CRADD: variants seen among roughly 807,000 people sequenced by gnomAD.
The protein encoded by CRADD is death domain-containing protein CRADD.
In CRADD, 9 loss-of-function variants were observed where a neutral mutation model predicts 15.5. The ratio of observed to expected loss-of-function variants is 0.58; its 90% CI spans 0.35 to 1.01. CRADD has a LOEUF of 1.01. Among genes scored for constraint, CRADD ranks in the 50% least tolerant of loss-of-function variants. The probability of loss-of-function intolerance (pLI) is 0.02; values close to 1 mark genes in which losing one functional copy is unlikely to be tolerated. For synonymous variants in CRADD, 118 were observed against 107.6 expected (o/e 1.10, Z -0.60); for missense variants, 227 against 250.3 (o/e 0.91, Z 0.63).
At chr12:93,753,703 A>G (rs1190098832) in intron 2 of CRADD, among the ~76,000 whole-genome samples, 1 of 152,214 alleles carries the variant, frequency 6.6e-6, no homozygotes, top group South Asian at 2.1e-4. Flanking sequence ...CTTTGACTCC[A>G]TGTCTCACAT....
chr12:93,770,232 A>G (rs1406682169), intron 2 of CRADD, among the ~76,000 whole-genome samples: 1 of 150,726 alleles, frequency 6.6e-6, no homozygotes. Flanking sequence ...AGTAGCTGGG[A>G]CTACAGGCGC....
intron 2 of CRADD, among the ~76,000 whole-genome samples, chr12:93,840,976 C>T (rs1347655761): frequency 1.3e-5 from 2 of 152,154 alleles, no homozygotes; most frequent in Non-Finnish European, 2.9e-5. Flanking sequence ...AATGCTTTTA[C>T]AATCTTAACC....
chr12:93,760,408 C>T (rs1340403176), intron 2 of CRADD, among the ~76,000 whole-genome samples: 1 of 152,054 alleles, frequency 6.6e-6, no homozygotes, highest in East Asian at 1.9e-4. Context: ...TTATTTTATC[C>T]AGGCATGTTT....
At chr12:93,810,418 G>T (rs1020565910) in intron 2 of CRADD, among the ~76,000 whole-genome samples, 1 of 151,780 alleles carries the variant, frequency 6.6e-6, no homozygotes, top group Admixed American at 6.6e-5. Context: ...GGGCATGGTG[G>T]CGCATGCCTG....
intron 2 of CRADD, among the ~76,000 whole-genome samples, chr12:93,795,235 G>T (rs934834944): frequency 6.6e-6 from 1 of 152,140 alleles, no homozygotes; most frequent in South Asian, 2.1e-4. Flanking sequence ...GAATTACTTT[G>T]TTTGTGATTT....
At chr12:93,713,419 C>T (rs1956108629) in intron 2 of CRADD, among the ~76,000 whole-genome samples, 2 of 151,982 alleles carry the variant, frequency 1.3e-5, no homozygotes, top group African/African-American at 4.8e-5. Context: ...CCTCAGTGTC[C>T]GAGGGGTATT....
At chr12:93,799,858 A>G (rs886198599) in intron 2 of CRADD, among the ~76,000 whole-genome samples, 5 of 152,196 alleles carry the variant, frequency 3.3e-5, no homozygotes, top group African/African-American at 1.2e-4. Context: ...TAGCCGTGTT[A>G]TTTACTTTGT....
chr12:93,715,297 C>A (rs1419025598), intron 2 of CRADD, among the ~76,000 whole-genome samples: 1 of 152,142 alleles, frequency 6.6e-6, no homozygotes, highest in Non-Finnish European at 1.5e-5. Flanking sequence ...TTTTATTTTT[C>A]ATTATCTGCA....
intron 2 of CRADD, among the ~76,000 whole-genome samples, chr12:93,874,668 C>T (rs1958446520): frequency 6.6e-6 from 1 of 151,982 alleles, no homozygotes. Flanking sequence ...TTAATTTCTT[C>T]ATTGACCCAC....
intron 2 of CRADD, among the ~76,000 whole-genome samples, chr12:93,843,322 C>T (rs138502114): frequency 1.3e-5 from 2 of 151,484 alleles, no homozygotes; most frequent in East Asian, 1.9e-4. Flanking sequence ...TTAATTTTTG[C>T]GGTATCTAGG....
chr12:93,798,259 C>T (rs1268531053), intron 2 of CRADD, among the ~76,000 whole-genome samples: 1 of 152,076 alleles, frequency 6.6e-6, no homozygotes, highest in Non-Finnish European at 1.5e-5. Context: ...TGTGAATCCC[C>T]ACAAATATTT....
At position 93,806,468 on chromosome 12, in the gene CRADD, A is replaced by C. The variant is rs935524529; in HGVS notation, c.299-43502A>C. 4.6e-4 allele frequency among the ~76,000 whole-genome samples: 68 copies of C among 148,842 alleles called. 1 individual carries two copies. In the Middle Eastern group the frequency reaches 0.01, roughly 23 times the overall value. On this transcript the variant is annotated intron_variant, in intron 2 of 2. Coordinates refer to ENST00000332896, the MANE Select transcript of CRADD (RefSeq NM_003805.5). The stretch of plus-strand genomic sequence containing the variant: ...CTCCATCTCAAAAAAAAAAAAAAAA[A>C]AAAACAAAAAAAAGAAAAAAAAGGA...
At chr12:93,730,442 G>A (rs1565891814) in intron 2 of CRADD, among the ~76,000 whole-genome samples, 1 of 152,216 alleles carries the variant, frequency 6.6e-6, no homozygotes, top group Non-Finnish European at 1.5e-5. Flanking sequence ...ATATATTGCT[G>A]CTGGTAGTGT....
chr12:93,769,458 T>C (rs1957060296), intron 2 of CRADD, among the ~76,000 whole-genome samples: 1 of 152,208 alleles, frequency 6.6e-6, no homozygotes, highest in Non-Finnish European at 1.5e-5. Flanking sequence ...CTATGAACAT[T>C]CTTGTACATG....
chr12:93,765,693 C>T (rs183449911), intron 2 of CRADD, among the ~76,000 whole-genome samples: 12 of 152,122 alleles, frequency 7.9e-5, no homozygotes, highest in Admixed American at 2.6e-4. Context: ...AGACTGAGCA[C>T]GATAGGCTAT....
At chr12:93,795,510 C>T (rs1957405022) in intron 2 of CRADD, among the ~76,000 whole-genome samples, 1 of 152,178 alleles carries the variant, frequency 6.6e-6, no homozygotes, top group Admixed American at 6.5e-5. Context: ...CTCGCACGTC[C>T]TCTTCCCTTA....
intron 2 of CRADD, among the ~76,000 whole-genome samples, chr12:93,804,009 C>G (rs1280042831): frequency 6.6e-6 from 1 of 152,104 alleles, no homozygotes; most frequent in Middle Eastern, 3.2e-3. Flanking sequence ...CAAGGCAATG[C>G]AATCCCCTTA....
chr12:93,783,081 C>T (rs1176652875), intron 2 of CRADD, among the ~76,000 whole-genome samples: 4 of 152,074 alleles, frequency 2.6e-5, no homozygotes, highest in Non-Finnish European at 5.9e-5. Flanking sequence ...TTTGTATAGC[C>T]TGGGGAGAGT....
chr12:93,681,501 T>C (rs1404394875), intron 2 of CRADD, among the ~76,000 whole-genome samples: 1 of 152,218 alleles, frequency 6.6e-6, no homozygotes, highest in Non-Finnish European at 1.5e-5. Flanking sequence ...TTGATTTATA[T>C]ATGTCTTTGA....
Sources: gnomAD v4.1 joint callset for allele counts (sites outside exome capture counted in the v4.1 genomes callset) on GRCh38, gnomAD v4.1.1 for gene constraint, MANE v1.5 for transcripts, NCBI Gene and HGNC (gene_info 2026-07-23, HGNC 2026-07-21) for gene names.